Variants in PCDHA7 observed in about 807,000 individuals in gnomAD.
The protein encoded by PCDHA7 is protocadherin alpha-7.
A neutral mutation model predicts 57.2 loss-of-function variants in PCDHA7; 37 were observed. That is an observed-to-expected ratio of 0.65 (90% CI 0.50 to 0.85). PCDHA7 has a LOEUF of 0.85. PCDHA7 is among the 40% of genes least tolerant of loss of function. PCDHA7 has a pLI of 0.00. For synonymous variants in PCDHA7, 553 were observed against 558.8 expected, an observed-to-expected ratio of 0.99 and a Z score of 0.15; for missense variants, 1,188 against 1,241.8, an observed-to-expected ratio of 0.96 and a Z score of 0.65.
intron 1 of PCDHA7, chr5:140,870,896 C>A (rs946837071): frequency 4.3e-6 from 7 of 1,613,822 alleles, no homozygotes; most frequent in Non-Finnish European, 5.9e-6. Context: ...GCAGTGGATG[C>A]GGACTCAGGC....
At chr5:140,852,575 C>CT (rs1395261617) in intron 1 of PCDHA7, 11 of 798,920 alleles carry the variant, frequency 1.4e-5, no homozygotes, top group Non-Finnish European at 1.7e-5. Context: ...TGTGCCAAGG[C>CT]TTTTTTATTT....
intron 1 of PCDHA7, chr5:140,968,910 T>G (rs782307931): frequency 1.9e-6 from 3 of 1,613,974 alleles, no homozygotes; most frequent in Non-Finnish European, 2.5e-6. Flanking sequence ...TTAAGCACAG[T>G]GTCTTTTATA....
intron 1 of PCDHA7, among the ~76,000 whole-genome samples, chr5:140,958,853 G>T (rs897789588): frequency 1.3e-5 from 2 of 151,804 alleles, no homozygotes; most frequent in Non-Finnish European, 2.9e-5. Context: ...AGTGTCTTTG[G>T]TTTACTGGGT....
intron 1 of PCDHA7, among the ~76,000 whole-genome samples, chr5:140,902,590 A>G (rs1266008229): frequency 6.6e-6 from 1 of 151,942 alleles, no homozygotes; most frequent in African/African-American, 2.4e-5. Flanking sequence ...TAGTTTTGGG[A>G]AACAGGTCGT....
chr5:140,958,066 C>T (rs782243559), intron 1 of PCDHA7, among the ~76,000 whole-genome samples: 2 of 151,900 alleles, frequency 1.3e-5, no homozygotes, highest in African/African-American at 4.8e-5. Context: ...AGAAAAAACA[C>T]AGAAGCAAAA....
chr5:140,888,725 T>C (rs1254922405), intron 1 of PCDHA7, among the ~76,000 whole-genome samples: 2 of 152,156 alleles, frequency 1.3e-5, no homozygotes, highest in African/African-American at 4.8e-5. Flanking sequence ...TTTCCAGCCC[T>C]TTGTGAGCTC....
At chr5:141,000,415 ATATATATTTTTTTT>A (rs2097922429) in intron 3 of PCDHA7, among the ~76,000 whole-genome samples, 2 of 87,398 alleles carry the variant, frequency 2.3e-5, no homozygotes, top group Non-Finnish European at 4.3e-5. Flanking sequence ...ATATATATAT[ATATATATTTTTTTT>A]TTTTTTTTTT....
chr5:140,926,889 G>A, intron 1 of PCDHA7: 1 of 1,545,026 alleles, frequency 6.5e-7, no homozygotes, highest in Non-Finnish European at 8.7e-7. Context: ...CGCCTAGAGG[G>A]AGGATGGTGG....
rs561828077 is a variant in PCDHA7 at position 140,908,632 on chromosome 5, C to T, written c.2356-70317C>T. On this transcript the variant is annotated intron_variant, in intron 1 of 3. Transcript: ENST00000525929. ...TGCTCCAAAATCCTTGAGGTCTCCA[C>T]TGTGATTCACTTATGGGGGCCTGCC... Among the ~76,000 whole-genome samples the T allele has an allele frequency of 9.8e-5, 15 of 152,318 alleles. No individual in the cohort carries two copies. In the East Asian group the frequency reaches 2.9e-3, roughly 29 times the overall value.
At position 140,880,762 on chromosome 5, in the gene PCDHA7, G is replaced by A. The variant is rs2153374847; in HGVS notation, c.2355+44024G>A. 3.9e-5 allele frequency among the ~76,000 whole-genome samples: 6 copies of A among 152,350 alleles called. No homozygotes were observed. The Middle Eastern group carries it at 0.014, about 345-fold the overall frequency. On this transcript the variant is annotated intron_variant, in intron 1 of 3. Coordinates refer to ENST00000525929, the MANE Select transcript of PCDHA7 (RefSeq NM_018910.3). ...GGATTGTCAGTGTAACTGCGTGTTGGAGGCTAAAAAGAATGTTAGAGGAGT... is the reference window on the plus strand; with the variant it reads ...GGATTGTCAGTGTAACTGCGTGTTGAAGGCTAAAAAGAATGTTAGAGGAGT...
chr5:140,889,968 T>A (rs1373057542), intron 1 of PCDHA7, among the ~76,000 whole-genome samples: 2 of 152,170 alleles, frequency 1.3e-5, no homozygotes, highest in Non-Finnish European at 2.9e-5. Context: ...AAAATTACTA[T>A]CCAGTCTCCA....
At chr5:140,853,843 C>T (rs2042882869) in intron 1 of PCDHA7, 1 of 986,310 alleles carries the variant, frequency 1.0e-6, no homozygotes, top group African/African-American at 1.8e-5. Flanking sequence ...ATTTTAGATC[C>T]ATAGCCCTAT....
chr5:141,009,233 T>C (rs2098403082), intron 3 of PCDHA7, among the ~76,000 whole-genome samples: 1 of 152,184 alleles, frequency 6.6e-6, no homozygotes, highest in Non-Finnish European at 1.5e-5. Context: ...GGTGGGAGGA[T>C]CTCTTGAGCT....
chr5:140,877,409 G>C lies in PCDHA7; in HGVS notation c.2355+40671G>C, dbSNP rs782157769. The C allele has an allele frequency of 8.1e-6, 13 of 1,613,802 alleles. No homozygotes were observed. The highest frequency in any genetic ancestry group is 1.0e-5 in the Non-Finnish European group (12 of 1,179,880). Reference sequence around the variant, plus strand: ...GATGAGGCGGACGCTCCGCGCCACCGCCTGCTGGTGCTGGTGAAGGACCAC... The same window carrying C: ...GATGAGGCGGACGCTCCGCGCCACCCCCTGCTGGTGCTGGTGAAGGACCAC... On this transcript the variant is annotated intron_variant, in intron 1 of 3. Transcript: ENST00000525929.
At chr5:140,968,862 G>C (rs375652776) in intron 1 of PCDHA7, 3 of 1,614,126 alleles carry the variant, frequency 1.9e-6, no homozygotes, top group Middle Eastern at 1.7e-4. Context: ...AAGAGCCCTC[G>C]GACATACTCT....
intron 1 of PCDHA7, among the ~76,000 whole-genome samples, chr5:140,960,397 G>C (rs1322659184): frequency 6.6e-6 from 1 of 152,102 alleles, no homozygotes; most frequent in African/African-American, 2.4e-5. Flanking sequence ...AGGATGCAAG[G>C]GGGGGTGCCC....
chr5:140,967,111 T>G, intron 1 of PCDHA7: 1 of 1,612,990 alleles, frequency 6.2e-7, no homozygotes, highest in East Asian at 2.2e-5. Context: ...AGCAGCGGCC[T>G]CGCTGCCTGC....
In PCDHA7 at chr5:140,839,005, A is replaced by G. The variant is rs182308106; in HGVS notation, c.2355+2267A>G. On this transcript the variant is annotated intron_variant, in intron 1 of 3. Transcript: ENST00000525929. ...TGTTCCTAATATTCTAATATACTTT[A>G]GTAAATTATTTTAGGATATGTTACT... Among the ~76,000 whole-genome samples, 398 of 152,230 alleles carry G rather than the reference A, an allele frequency of 2.6e-3. 4 individuals are homozygous for G. The highest frequency in any genetic ancestry group is 9.1e-3 in the African/African-American group (377 of 41,530).
chr5:140,939,340 A>G (rs1337369012), intron 1 of PCDHA7, among the ~76,000 whole-genome samples: 1 of 152,178 alleles, frequency 6.6e-6, no homozygotes, highest in Non-Finnish European at 1.5e-5. Flanking sequence ...AGGGGTTAGC[A>G]TTTCAACTTA....
Sources: gnomAD v4.1 joint callset for allele counts (sites outside exome capture counted in the v4.1 genomes callset) on GRCh38, gnomAD v4.1.1 for gene constraint, MANE v1.5 for transcripts, NCBI Gene and HGNC (gene_info 2026-07-23, HGNC 2026-07-21) for gene names.